DIP2C: variants seen among roughly 807,000 people sequenced by gnomAD.
DIP2C encodes disco-interacting protein 2 homolog C.
A neutral mutation model predicts 192.4 loss-of-function variants in DIP2C; 33 were observed. The ratio of observed to expected loss-of-function variants is 0.17; its 90% CI spans 0.13 to 0.23. The LOEUF is 0.23. Ranked by LOEUF, DIP2C falls within the 10% of genes least tolerant of loss-of-function variation. The probability of loss-of-function intolerance (pLI) is 1.00; values close to 1 mark genes in which losing one functional copy is unlikely to be tolerated. For missense variants in DIP2C, 1,537 were observed against 2,110.1 expected, an observed-to-expected ratio of 0.73 and a Z score of 5.32; for synonymous variants, 979 against 864.1, an observed-to-expected ratio of 1.13 and a Z score of -2.33.
intron 17 of DIP2C, 198 bp from the exon 18 acceptor site, chr10:369,831 T>C: frequency 7.6e-7 from 1 of 1,307,212 alleles, no homozygotes. Context: ...AGTCTACTGC[T>C]TCCGCCTCTA....
chr10:421,265 G>A (rs753004375), intron 5 of DIP2C, among the ~76,000 whole-genome samples: 3 of 152,180 alleles, frequency 2.0e-5, no homozygotes, highest in South Asian at 2.1e-4. Flanking sequence ...TACATTCTTT[G>A]TACTAAAACT....
rs753310455 is a variant in DIP2C at position 486,460 on chromosome 10, C to T, written c.156G>A (p.Pro52=). 14 of 1,598,098 alleles carry T rather than the reference C, an allele frequency of 8.8e-6. No individual in the cohort carries two copies. In the Admixed American group the frequency reaches 1.6e-4, roughly 18 times the overall value. ...KLIGAYLPQP[P]RVDQALPQER... is the part of the protein sequence containing the mutation. ...ATGCTACTCATGGGGGTTACCTACT[C>T]GGAGGCTGCGGAAGGTAGGCTCCAA... Residue 52 remains proline, a splice_region_variant and synonymous_variant, in exon 2 of 37, where the codon CCG becomes CCA. Transcript: ENST00000280886.
chr10:332,982 A>C (rs998776818), intron 29 of DIP2C, among the ~76,000 whole-genome samples: 1 of 152,176 alleles, frequency 6.6e-6, no homozygotes, highest in African/African-American at 2.4e-5. Context: ...GGCTCAATGC[A>C]ACCTCTGCCT....
chr10:461,424 C>A (rs545698417), intron 3 of DIP2C, among the ~76,000 whole-genome samples: 48 of 152,124 alleles, frequency 3.2e-4, no homozygotes, highest in Non-Finnish European at 7.4e-5. Context: ...CAACAAAGAT[C>A]AAAAAAGACA....
At position 363,357 on chromosome 10, in the gene DIP2C, T is replaced by C; in HGVS notation, c.2478-46A>G. The C allele has an allele frequency of 2.6e-6, 4 of 1,545,562 alleles. No homozygotes were observed. The highest frequency in any genetic ancestry group is 3.5e-6 in the Non-Finnish European group (4 of 1,128,124). ...GGTGAGCACGCGCCGGGGACGCTCA[T>C]GCAGCCCTCCCTCCGCCATCAGGGG... On this transcript the variant is annotated intron_variant, in intron 20 of 36. Transcript: ENST00000280886. This position sits in a 1 kb window ranked among gnomAD's most constrained non-coding sequence, Gnocchi z 5.4.
chr10:339,898 G>A (rs776719779), intron 29 of DIP2C, among the ~76,000 whole-genome samples: 2 of 152,176 alleles, frequency 1.3e-5, no homozygotes, highest in African/African-American at 2.4e-5. Context: ...TTCCAGAAGA[G>A]TGTTGACAGG....
chr10:461,007 T>A (rs1265487558), intron 3 of DIP2C, among the ~76,000 whole-genome samples: 1 of 152,096 alleles, frequency 6.6e-6, no homozygotes, highest in Admixed American at 6.5e-5. Context: ...TGCTGAGAGA[T>A]TCTGTCACCA....
intron 31 of DIP2C, among the ~76,000 whole-genome samples, chr10:317,771 T>C (rs1191097443): frequency 1.3e-5 from 2 of 152,222 alleles, no homozygotes; most frequent in Admixed American, 1.3e-4. Context: ...ACTTAGCACC[T>C]TGCAGATCCA....
chr10:437,019 G>C (rs1326835486), intron 4 of DIP2C, among the ~76,000 whole-genome samples: 1 of 140,336 alleles, frequency 7.1e-6, no homozygotes, highest in Non-Finnish European at 1.5e-5. Context: ...CCACACCTGA[G>C]CTCTCTCCGA....
At chr10:668,268 T>TCATACAA (rs1288189771) in intron 1 of DIP2C, 4 of 146,730 alleles carry the variant, frequency 2.7e-5, no homozygotes, top group Admixed American at 2.7e-4. Context: ...TACAACACAC[T>TCATACAA]CATACAACAT....
At chr10:549,711 G>A (rs958287102) in intron 1 of DIP2C, among the ~76,000 whole-genome samples, 11 of 152,134 alleles carry the variant, frequency 7.2e-5, no homozygotes, top group Non-Finnish European at 1.3e-4. Context: ...GGGTGCCCTC[G>A]TCACTTTTCA....
chr10:680,972 T>C (rs771790591), intron 1 of DIP2C, among the ~76,000 whole-genome samples: 1 of 150,370 alleles, frequency 6.7e-6, no homozygotes, highest in East Asian at 2.0e-4. Flanking sequence ...CCCAGTTGCA[T>C]GGTGCAGCCA....
intron 22 of DIP2C, among the ~76,000 whole-genome samples, chr10:362,061 T>G (rs1959597078): frequency 6.8e-6 from 1 of 146,436 alleles, no homozygotes; most frequent in South Asian, 2.2e-4. Flanking sequence ...AACAATGGTG[T>G]GGGGGAAAAA....
chr10:491,814 G>A (rs1272720503), intron 1 of DIP2C, among the ~76,000 whole-genome samples: 1 of 152,236 alleles, frequency 6.6e-6, no homozygotes, highest in Non-Finnish European at 1.5e-5. Context: ...AGACGTCCAA[G>A]TTGATGGGAG....
intron 16 of DIP2C, 150 bp from the exon 17 acceptor site, chr10:382,911 T>G (rs766487384): frequency 6.1e-5 from 31 of 510,756 alleles, no homozygotes; most frequent in Non-Finnish European, 8.8e-5. Flanking sequence ...ATTATTTATG[T>G]TACACTGAAA....
intron 1 of DIP2C, among the ~76,000 whole-genome samples, chr10:578,955 C>T (rs1378977499): frequency 3.9e-5 from 6 of 152,000 alleles, no homozygotes; most frequent in Admixed American, 3.9e-4. Context: ...GTGCATAGAG[C>T]ATTCACACAT....
chr10:445,614 A>AGT (rs1564721306), intron 3 of DIP2C, among the ~76,000 whole-genome samples: 1 of 112,174 alleles, frequency 8.9e-6, no homozygotes, highest in African/African-American at 8.9e-5. Flanking sequence ...ATCTGTATAC[A>AGT]ACTGTTGCGA....
intron 1 of DIP2C, among the ~76,000 whole-genome samples, chr10:603,335 C>CAAAAAAAAAAAAA (rs1209146510): frequency 1.2e-5 from 1 of 80,402 alleles, no homozygotes; most frequent in African/African-American, 7.6e-5. Context: ...AAAAAAAAAC[C>CAAAAAAAAAAAAA]AACCATGAGA....
At chr10:654,588 T>C (rs762697582) in intron 1 of DIP2C, among the ~76,000 whole-genome samples, 1 of 152,128 alleles carries the variant, frequency 6.6e-6, no homozygotes, top group Non-Finnish European at 1.5e-5. Context: ...ACACAGAGTA[T>C]ACAGACTGCT....
Sources: gnomAD v4.1 joint callset for allele counts (sites outside exome capture counted in the v4.1 genomes callset) on GRCh38, gnomAD v4.1.1 for gene constraint, Gnocchi (gnomAD v3.1) non-coding constraint, MANE v1.5 for transcripts, NCBI Gene and HGNC (gene_info 2026-07-23, HGNC 2026-07-21) for gene names.